The following PFKFB2 variants were observed in gnomAD, a reference collection of about 807,000 sequenced individuals.
PFKFB2 encodes 6-phosphofructo-2-kinase/fructose-2,6-bisphosphatase 2.
PFKFB2 carries 53 observed loss-of-function variants against 68.0 expected under a neutral mutation model. The observed-to-expected ratio is 0.78, with a 90% CI of 0.63 to 0.98. The LOEUF (loss-of-function observed/expected upper bound fraction) is 0.98. Among genes scored for constraint, PFKFB2 ranks in the 50% least tolerant of loss-of-function variants. The probability of loss-of-function intolerance (pLI) is 0.00; values close to 1 mark genes in which losing one functional copy is unlikely to be tolerated. For missense variants in PFKFB2, 451 were observed against 642.0 expected (o/e 0.70, Z 3.22); for synonymous variants, 222 against 227.6 (o/e 0.98, Z 0.22).
At chr1:207,056,116 C>A (rs145860401) in intron 2 of PFKFB2, among the ~76,000 whole-genome samples, 416 of 152,120 alleles carry the variant, frequency 2.7e-3, no homozygotes, top group African/African-American at 9.6e-3. Flanking sequence ...AACAGTGTCT[C>A]CCCCAAGAGT....
At chr1:207,047,546 C>T (rs1383910508) in intron 2 of PFKFB2, 1 of 152,620 alleles carries the variant, frequency 6.6e-6, no homozygotes, top group Non-Finnish European at 1.5e-5. Context: ...AATAACAAAA[C>T]TTCACATTAA....
chr1:207,065,607 C>T (rs1359220940), intron 8 of PFKFB2, among the ~76,000 whole-genome samples: 1 of 152,122 alleles, frequency 6.6e-6, no homozygotes, highest in Non-Finnish European at 1.5e-5. Context: ...CCGCCTCGGC[C>T]TCCCAAAGTG....
At chr1:207,062,468 C>CTT (rs997890687) in intron 3 of PFKFB2, 152 bp from the exon 4 acceptor site, 1 of 1,244,440 alleles carries the variant, frequency 8.0e-7, no homozygotes, top group Admixed American at 2.3e-5. Flanking sequence ...GAACCCAACT[C>CTT]TTTTGACTCT....
At chr1:207,038,222 G>A (rs932916060) in intron 1 of PFKFB2, among the ~76,000 whole-genome samples, 6 of 152,002 alleles carry the variant, frequency 3.9e-5, no homozygotes, top group Non-Finnish European at 2.9e-5. Flanking sequence ...ACTATATATC[G>A]AATGTCTATT....
chr1:207,080,971 G>C (rs185224884), downstream of PFKFB2: 2 of 151,938 alleles, frequency 1.3e-5, no homozygotes, highest in African/African-American at 4.8e-5. Context: ...AAATATGCGA[G>C]TAATATGTAT....
intron 2 of PFKFB2, among the ~76,000 whole-genome samples, chr1:207,055,461 A>T (rs1277935790): frequency 1.3e-5 from 2 of 152,124 alleles, no homozygotes; most frequent in Non-Finnish European, 2.9e-5. Context: ...ATGAAGCATC[A>T]TTTCCTGTCC....
upstream of PFKFB2, chr1:207,049,207 G>A (rs1173265010): frequency 6.2e-7 from 1 of 1,614,106 alleles, no homozygotes. Flanking sequence ...ATCATTAGAG[G>A]AGAAAATGGT....
chr1:207,035,284 C>T (rs1682354253), intron 1 of PFKFB2: 4 of 728,766 alleles, frequency 5.5e-6, no homozygotes, highest in Non-Finnish European at 6.7e-6. Context: ...CCTCCCTTCC[C>T]TCTAAGTGCA....
Position 207,063,844 on chromosome 1 carries a change from T to C in PFKFB2, c.507+15T>C. On this transcript the variant is annotated intron_variant, in intron 7 of 14. Transcript: ENST00000367080. The surrounding 1 kb of genome is among the most constrained non-coding windows in gnomAD (Gnocchi z 4.1). ...CCAATATTCTGGTTGGTGACACCCC[T>C]ACATATCATCTCCTCTTCACCTTTT... The C allele has an allele frequency of 1.3e-6, 2 of 1,594,320 alleles. No individual in the cohort carries two copies. The highest frequency in any genetic ancestry group is 1.7e-6 in the Non-Finnish European group (2 of 1,162,206).
chr1:207,049,071 T>G (rs758336309), upstream of PFKFB2: 23 of 1,613,922 alleles, frequency 1.4e-5, no homozygotes, highest in Admixed American at 1.7e-5. Flanking sequence ...GTTCCCTTGC[T>G]TCTGCTTGTC....
At chr1:207,050,711 A>G, upstream of PFKFB2, 1 of 1,613,174 alleles carries the variant, frequency 6.2e-7, no homozygotes, top group Non-Finnish European at 8.5e-7. Flanking sequence ...CAAGTCTTCC[A>G]GAATGGTATC....
intron 1 of PFKFB2, among the ~76,000 whole-genome samples, chr1:207,040,448 C>T (rs1163404250): frequency 6.6e-6 from 1 of 152,052 alleles, no homozygotes; most frequent in African/African-American, 2.4e-5. Context: ...GTCAGAAGGG[C>T]AGAGAAGTTA....
At position 207,076,462 on chromosome 1, in the gene PFKFB2, T is replaced by C; in HGVS notation, c.*4091T>C. On this transcript the variant is annotated 3_prime_UTR_variant, in exon 15 of 15. Transcript: ENST00000367080. ...ATTTGATAGATTTACCCAGCTTTTC[T>C]ATGTATTTTGACTTATTGAAAATAT... 1.0e-6 allele frequency: 1 copy of C among 985,408 alleles called. No homozygotes were observed. Among genetic ancestry groups the C allele is most frequent in the South Asian group, 4.7e-5 (1 of 21,286 alleles). The allele number at this position is 985,408 out of a possible 1,614,324, so 61.0% of individuals were successfully genotyped here. A position where few individuals can be genotyped will look rare whatever the true frequency, so the allele number is the denominator to read the frequency against.
chr1:207,074,663 T>C lies in PFKFB2; in HGVS notation c.*2292T>C. ...TGTTTAGTGGTTACATAACATGTACTTAGTGTCTTTGTGGAGCTTTGGGCT... is the reference window on the plus strand; with the variant it reads ...TGTTTAGTGGTTACATAACATGTACCTAGTGTCTTTGTGGAGCTTTGGGCT... On this transcript the variant is annotated 3_prime_UTR_variant, in exon 15 of 15. Coordinates refer to ENST00000367080, the MANE Select transcript of PFKFB2 (RefSeq NM_006212.2). 2.0e-6 allele frequency: 2 copies of C among 985,414 alleles called. No individual in the cohort carries two copies. The highest frequency in any genetic ancestry group is 2.4e-6 in the Non-Finnish European group (2 of 829,906). The allele number at this position is 985,414 out of a possible 1,614,324, so 61.0% of individuals were successfully genotyped here.
At chr1:207,039,503 T>G (rs1433935850) in intron 1 of PFKFB2, among the ~76,000 whole-genome samples, 1 of 152,256 alleles carries the variant, frequency 6.6e-6, no homozygotes, top group Non-Finnish European at 1.5e-5. Flanking sequence ...TTATGGTTAC[T>G]TGATAAAGTG....
Position 207,073,809 on chromosome 1 carries a change from A to T in PFKFB2, c.*1438A>T, listed in dbSNP as rs1030646030. On this transcript the variant is annotated 3_prime_UTR_variant, in exon 15 of 15. Transcript: ENST00000367080. The stretch of plus-strand genomic sequence containing the variant: ...GGCTTATTCTCTTTCCCAATTTTGC[A>T]TGCAAAATGTACGAATATATGTATG... The T allele has an allele frequency of 1.4e-5, 14 of 985,406 alleles. No individual in the cohort carries two copies. Among genetic ancestry groups the T allele is most frequent in the Non-Finnish European group, 1.6e-5 (13 of 829,892 alleles). 61.0% of individuals were successfully genotyped at this position (985,406 alleles called of 1,614,324 possible).
chr1:207,071,220 A>G lies in PFKFB2; in HGVS notation c.1255A>G (p.Thr419Ala). The G allele has an allele frequency of 6.2e-7, 1 of 1,613,782 alleles. No individual in the cohort carries two copies. Among genetic ancestry groups the G allele is most frequent in the Non-Finnish European group, 8.5e-7 (1 of 1,179,750 alleles). ...ACCATACTTGAGATGCCCTCTCCAT[A>G]CCATCTTCAAACTTACTCCTGTGGC... ...ELPYLRCPLH[T>A]IFKLTPVAYG... The change falls in exon 13 of 15, where the codon ACC becomes GCC. Residue 419 changes from threonine (T) to alanine (A), a missense_variant. By Grantham distance (58) the Thr-to-Ala change is moderately conservative (BLOSUM62 0). Transcript: ENST00000367080.
downstream of PFKFB2, among the ~76,000 whole-genome samples, chr1:207,078,677 A>G (rs954143124): frequency 1.3e-5 from 2 of 152,148 alleles, no homozygotes; most frequent in African/African-American, 2.4e-5. Context: ...CTCCTGCTTC[A>G]TATCTTGGGT....
At chr1:207,051,128 A>G, upstream of PFKFB2, 1 of 1,420,106 alleles carries the variant, frequency 7.0e-7, no homozygotes, top group Non-Finnish European at 9.2e-7. Context: ...GTGACAACTG[A>G]TTTTTCCCCC....
Sources: allele counts gnomAD v4.1 joint callset (sites outside exome capture counted in the v4.1 genomes callset), GRCh38; gene constraint gnomAD v4.1.1; non-coding constraint Gnocchi (gnomAD v3.1); transcripts MANE v1.5; gene names NCBI Gene and HGNC (gene_info 2026-07-23, HGNC 2026-07-21).